The following PTPRD variants were observed in gnomAD, a reference collection of about 807,000 sequenced individuals.
PTPRD encodes protein tyrosine phosphatase receptor type D.
A neutral mutation model predicts 214.5 loss-of-function variants in PTPRD; 34 were observed. The observed-to-expected ratio is 0.16, with a 90% CI of 0.12 to 0.21. PTPRD has a LOEUF of 0.21. Among genes scored for constraint, PTPRD ranks in the 10% least tolerant of loss-of-function variants. PTPRD has a pLI of 1.00. For missense variants in PTPRD, 2,545 were observed against 2,398.7 expected (o/e 1.06, Z -1.27); for synonymous variants, 1,128 against 845.7 (o/e 1.33, Z -5.79).
rs183223119 is a variant in PTPRD at position 10,333,871 on chromosome 9, A to T, written c.-545+7092T>A. 3.0e-3 allele frequency among the ~76,000 whole-genome samples: 456 copies of T among 151,926 alleles called. 1 individual carries two copies. The highest frequency in any genetic ancestry group is 0.01 in the African/African-American group (431 of 41,496). On this transcript the variant is annotated intron_variant, in intron 3 of 45. Coordinates refer to ENST00000381196, the MANE Select transcript of PTPRD (RefSeq NM_002839.4). Reference sequence around the variant, plus strand: ...TTGACTGAGACTTGCTACCTTCTCAATATTTGAACTAATAAATTAAATACA... The same window carrying T: ...TTGACTGAGACTTGCTACCTTCTCATTATTTGAACTAATAAATTAAATACA...
At chr9:8,847,180 T>C (rs2097713779) in intron 11 of PTPRD, among the ~76,000 whole-genome samples, 1 of 152,182 alleles carries the variant, frequency 6.6e-6, no homozygotes. Context: ...AAATATTTTT[T>C]TTTTGGTACA....
At chr9:9,315,352 C>A (rs1962129588) in intron 9 of PTPRD, among the ~76,000 whole-genome samples, 1 of 151,870 alleles carries the variant, frequency 6.6e-6, no homozygotes, top group Non-Finnish European at 1.5e-5. Context: ...TATGTATATA[C>A]AACTTATTAT....
chr9:10,433,498 C>T (rs918843980), intron 2 of PTPRD, among the ~76,000 whole-genome samples: 20 of 151,846 alleles, frequency 1.3e-4, no homozygotes, highest in South Asian at 6.2e-4. Context: ...ATTTCAGTTA[C>T]GTATATTACA....
intron 11 of PTPRD, among the ~76,000 whole-genome samples, chr9:8,838,075 C>A (rs1601487771): frequency 6.6e-6 from 1 of 152,036 alleles, no homozygotes; most frequent in Non-Finnish European, 1.5e-5. Flanking sequence ...AAAGAAAAAT[C>A]TCTAAGAAAA....
chr9:9,178,676 G>C (rs1366701198), intron 10 of PTPRD, among the ~76,000 whole-genome samples: 1 of 152,004 alleles, frequency 6.6e-6, no homozygotes, highest in Non-Finnish European at 1.5e-5. Context: ...CTCCATACAA[G>C]TCATTACATT....
chr9:9,602,829 G>A (rs954888850), intron 7 of PTPRD, among the ~76,000 whole-genome samples: 29 of 152,030 alleles, frequency 1.9e-4, no homozygotes, highest in African/African-American at 6.8e-4. Context: ...AGTCATAACT[G>A]GTTTATTATC....
At chr9:9,117,713 CT>C (rs1004923425) in intron 10 of PTPRD, among the ~76,000 whole-genome samples, 9 of 152,058 alleles carry the variant, frequency 5.9e-5, no homozygotes, top group Non-Finnish European at 8.8e-5. Flanking sequence ...ACTTAGGAAG[CT>C]TTATTTTAAT....
At chr9:9,934,616 G>A (rs958290447) in intron 5 of PTPRD, among the ~76,000 whole-genome samples, 1 of 151,092 alleles carries the variant, frequency 6.6e-6, no homozygotes, top group Non-Finnish European at 1.5e-5. Flanking sequence ...TCCAGGACCA[G>A]ATGGATTCAC....
intron 3 of PTPRD, among the ~76,000 whole-genome samples, chr9:10,094,430 C>T (rs1025826743): frequency 6.6e-6 from 1 of 150,942 alleles, no homozygotes; most frequent in African/African-American, 2.4e-5. Context: ...CATGCTCCTT[C>T]TTTCCTAAAC....
At chr9:8,641,818 A>G (rs1016618225) in intron 12 of PTPRD, among the ~76,000 whole-genome samples, 69 of 152,338 alleles carry the variant, frequency 4.5e-4, no homozygotes, top group African/African-American at 1.5e-3. Flanking sequence ...TAACCAATGC[A>G]CAGTATCTTT....
chr9:10,380,728 C>T (rs1294742267), intron 2 of PTPRD, among the ~76,000 whole-genome samples: 2 of 151,872 alleles, frequency 1.3e-5, no homozygotes, highest in Non-Finnish European at 2.9e-5. Flanking sequence ...ATGAACATAA[C>T]CATAGAAAAA....
At chr9:10,443,427 A>T (rs2098775136) in intron 2 of PTPRD, among the ~76,000 whole-genome samples, 1 of 151,610 alleles carries the variant, frequency 6.6e-6, no homozygotes, top group Non-Finnish European at 1.5e-5. Context: ...CTTGAATCAA[A>T]CGAAATTTGA....
chr9:10,143,084 T>A (rs182061842), intron 3 of PTPRD, among the ~76,000 whole-genome samples: 1 of 151,436 alleles, frequency 6.6e-6, no homozygotes, highest in South Asian at 2.1e-4. Flanking sequence ...TGAGAAAACA[T>A]GGACACAGGA....
At chr9:8,410,745 A>G (rs1465074300) in intron 35 of PTPRD, among the ~76,000 whole-genome samples, 1 of 152,198 alleles carries the variant, frequency 6.6e-6, no homozygotes, top group Non-Finnish European at 1.5e-5. Context: ...AAAATGCATC[A>G]GCTTTACCTG....
intron 2 of PTPRD, among the ~76,000 whole-genome samples, chr9:10,513,808 T>A (rs1350698728): frequency 6.6e-6 from 1 of 152,142 alleles, no homozygotes; most frequent in Non-Finnish European, 1.5e-5. Context: ...TTTAAAACTG[T>A]GTCAAATCAC....
intron 7 of PTPRD, among the ~76,000 whole-genome samples, chr9:9,650,236 T>C (rs1162225830): frequency 1.3e-5 from 2 of 152,172 alleles, no homozygotes; most frequent in Admixed American, 6.5e-5. Context: ...CCTTCTGCCA[T>C]AATTATAAGC....
chr9:8,548,189 C>T (rs1194965498), intron 14 of PTPRD, among the ~76,000 whole-genome samples: 4 of 152,076 alleles, frequency 2.6e-5, no homozygotes, highest in Non-Finnish European at 5.9e-5. Context: ...TAAATAAGTG[C>T]GAGGTGGATT....
At chr9:10,368,858 T>A (rs1023072841) in intron 2 of PTPRD, among the ~76,000 whole-genome samples, 5 of 152,242 alleles carry the variant, frequency 3.3e-5, no homozygotes, top group Admixed American at 3.3e-4. Flanking sequence ...TTCATCAACA[T>A]TTTTACCTAA....
intron 8 of PTPRD, among the ~76,000 whole-genome samples, chr9:9,482,726 C>A (rs1321258630): frequency 6.6e-6 from 1 of 152,086 alleles, no homozygotes; most frequent in East Asian, 1.9e-4. Flanking sequence ...TGTTTATAAA[C>A]AGAAATTACA....
Sources: gnomAD v4.1 joint callset for allele counts (sites outside exome capture counted in the v4.1 genomes callset) on GRCh38, gnomAD v4.1.1 for gene constraint, MANE v1.5 for transcripts, NCBI Gene and HGNC (gene_info 2026-07-23, HGNC 2026-07-21) for gene names.